The following MGAT5 variants were observed in gnomAD, a reference collection of about 807,000 sequenced individuals.
MGAT5 encodes alpha-1,6-mannosylglycoprotein 6-beta-N-acetylglucosaminyltransferase, also known as alpha-1,6-mannosylglycoprotein 6-beta-N-acetylglucosaminyltransferase A.
Under a neutral mutation model 94.3 loss-of-function variants are expected in MGAT5, and 30 were observed. The observed-to-expected ratio is 0.32, with a 90% CI of 0.24 to 0.43. The LOEUF (loss-of-function observed/expected upper bound fraction) is 0.43. Among genes scored for constraint, MGAT5 ranks in the 20% least tolerant of loss-of-function variants. MGAT5 has a pLI of 1.00. For synonymous variants in MGAT5, 310 were observed against 322.9 expected, an observed-to-expected ratio of 0.96 and a Z score of 0.43; for missense variants, 691 against 905.5, an observed-to-expected ratio of 0.76 and a Z score of 3.04.
At position 134,182,783 on chromosome 2, in the gene MGAT5, T is replaced by TG. The variant is rs1166482869; in HGVS notation, c.-143+62492_-143+62493insG. 3.8e-4 allele frequency among the ~76,000 whole-genome samples: 50 copies of TG among 130,774 alleles called. No homozygotes were observed. The East Asian group carries it at 9.3e-3, about 24-fold the overall frequency. 85.8% of individuals were successfully genotyped at this position (130,774 alleles called of 152,430 possible). Reference sequence around the variant, plus strand: ...TATAGTGCATGTTAGAAGATTAGTTTTTTTTTTTTTTTTTTTTTTTTGAGA... The same window carrying TG: ...TATAGTGCATGTTAGAAGATTAGTTTGTTTTTTTTTTTTTTTTTTTTTGAGA... On this transcript the variant is annotated intron_variant, in intron 1 of 16. Transcript: ENST00000409645.
chr2:134,280,826 C>T (rs1163008109), intron 2 of MGAT5, among the ~76,000 whole-genome samples: 4 of 152,262 alleles, frequency 2.6e-5, no homozygotes, highest in Non-Finnish European at 5.9e-5. Flanking sequence ...AAAATAAGAG[C>T]TCCGTAAGCT....
At chr2:134,364,604 C>T (rs999649125) in intron 10 of MGAT5, among the ~76,000 whole-genome samples, 2 of 152,138 alleles carry the variant, frequency 1.3e-5, no homozygotes, top group Non-Finnish European at 2.9e-5. Context: ...TCCATGGGTG[C>T]CCAAGCTTCT....
chr2:134,224,164 T>C (rs1209799071), intron 1 of MGAT5, among the ~76,000 whole-genome samples: 1 of 152,232 alleles, frequency 6.6e-6, no homozygotes, highest in African/African-American at 2.4e-5. Flanking sequence ...TGTGGGTTTG[T>C]CTTGACATTT....
intron 1 of MGAT5, among the ~76,000 whole-genome samples, chr2:134,230,262 C>T (rs1342976304): frequency 1.3e-5 from 2 of 152,174 alleles, no homozygotes; most frequent in Non-Finnish European, 2.9e-5. Flanking sequence ...AATGCAACCG[C>T]TGATATGACA....
At chr2:134,239,592 T>C (rs1166935469) in intron 1 of MGAT5, among the ~76,000 whole-genome samples, 1 of 152,106 alleles carries the variant, frequency 6.6e-6, no homozygotes, top group Non-Finnish European at 1.5e-5. Context: ...TGTGATGACA[T>C]TGAGCCCGCC....
At chr2:134,338,562 T>C in intron 6 of MGAT5, 142 bp downstream of exon 6, 1 of 901,910 alleles carries the variant, frequency 1.1e-6, no homozygotes, top group Non-Finnish European at 1.6e-6. Flanking sequence ...TGTACAGCTG[T>C]TTTTGGGTTG....
intron 12 of MGAT5, among the ~76,000 whole-genome samples, chr2:134,414,421 A>G (rs1280677618): frequency 6.6e-6 from 1 of 152,142 alleles, no homozygotes; most frequent in Non-Finnish European, 1.5e-5. Context: ...TTAGCATGTG[A>G]CTGACTTCTT....
chr2:134,132,153 A>G (rs1435257658), intron 1 of MGAT5, among the ~76,000 whole-genome samples: 1 of 152,218 alleles, frequency 6.6e-6, no homozygotes, highest in Non-Finnish European at 1.5e-5. Flanking sequence ...CCTTTTAAAA[A>G]TCTTTTTGTT....
chr2:134,267,688 C>G (rs1683801678), intron 1 of MGAT5, among the ~76,000 whole-genome samples: 1 of 152,198 alleles, frequency 6.6e-6, no homozygotes, highest in Non-Finnish European at 1.5e-5. Context: ...TAATAACTAT[C>G]ACCAATAACA....
In MGAT5 at chr2:134,280,906, G is replaced by A. The variant is rs192019261; in HGVS notation, c.406+10356G>A. On this transcript the variant is annotated intron_variant, in intron 2 of 15. Transcript: ENST00000281923. ...TCACTCCTGGGCCAGGCATGTAGCAGATGGTCAGTGCTTAATGGGCATGTA... is the reference window on the plus strand; with the variant it reads ...TCACTCCTGGGCCAGGCATGTAGCAAATGGTCAGTGCTTAATGGGCATGTA... 1.3e-3 allele frequency among the ~76,000 whole-genome samples: 205 copies of A among 152,324 alleles called. 1 individual carries two copies. Among genetic ancestry groups the A allele is most frequent in the Admixed American group, 0.011 (172 of 15,308 alleles).
intron 1 of MGAT5, among the ~76,000 whole-genome samples, chr2:134,170,086 T>G (rs62165702): frequency 0.17 from 25,926 of 152,110 alleles, 2,396 homozygotes; most frequent in South Asian, 0.23. Context: ...CATAAAAGAT[T>G]AAAAGCACTG....
intron 1 of MGAT5, among the ~76,000 whole-genome samples, chr2:134,219,687 C>G (rs1334676551): frequency 6.6e-6 from 1 of 152,194 alleles, no homozygotes; most frequent in Non-Finnish European, 1.5e-5. Context: ...TGGGACCTAA[C>G]TACTCAGTAA....
At chr2:134,242,928 A>G (rs1682046653) in intron 1 of MGAT5, among the ~76,000 whole-genome samples, 1 of 151,918 alleles carries the variant, frequency 6.6e-6, no homozygotes, top group African/African-American at 2.4e-5. Context: ...AAGTCTGGCT[A>G]CTCAGGCAGG....
At chr2:134,319,756 AT>A in intron 4 of MGAT5, 1 of 423,586 alleles carries the variant, frequency 2.4e-6, no homozygotes, top group Admixed American at 2.5e-5. Context: ...CTGTGTAGCT[AT>A]TTTTGGAATT....
At chr2:134,286,254 G>C (rs543914506) in intron 2 of MGAT5, among the ~76,000 whole-genome samples, 1 of 152,226 alleles carries the variant, frequency 6.6e-6, no homozygotes, top group South Asian at 2.1e-4. Flanking sequence ...GGCTGGCCTG[G>C]CTGCATCCTG....
At chr2:134,215,455 G>A (rs1680443769) in intron 1 of MGAT5, among the ~76,000 whole-genome samples, 1 of 152,178 alleles carries the variant, frequency 6.6e-6, no homozygotes, top group African/African-American at 2.4e-5. Context: ...GCCTCATGCT[G>A]CATCAAGACG....
chr2:134,175,498 C>T (rs545281945), intron 1 of MGAT5, among the ~76,000 whole-genome samples: 3 of 152,272 alleles, frequency 2.0e-5, no homozygotes, highest in Middle Eastern at 3.4e-3. Context: ...CCCTTAGCTA[C>T]GGGTTCCTTT....
At chr2:134,409,420 G>C (rs1683521130) in intron 11 of MGAT5, among the ~76,000 whole-genome samples, 1 of 152,214 alleles carries the variant, frequency 6.6e-6, no homozygotes, top group African/African-American at 2.4e-5. Flanking sequence ...CACAGTGACT[G>C]ACCTGGGAAA....
chr2:134,388,312 C>G (rs2106238157), intron 10 of MGAT5, among the ~76,000 whole-genome samples: 1 of 152,266 alleles, frequency 6.6e-6, no homozygotes, highest in Middle Eastern at 3.4e-3. Flanking sequence ...CAACTCACAG[C>G]CAGTCATGTT....
Sources: gnomAD v4.1 joint callset for allele counts (sites outside exome capture counted in the v4.1 genomes callset) on GRCh38, gnomAD v4.1.1 for gene constraint, MANE v1.5 for transcripts, NCBI Gene and HGNC (gene_info 2026-07-23, HGNC 2026-07-21) for gene names.